Variants in SCARB2 observed in about 807,000 individuals in gnomAD.
The protein encoded by SCARB2 is scavenger receptor class B member 2.
SCARB2 carries 29 observed loss-of-function variants against 58.6 expected under a neutral mutation model. The ratio of observed to expected loss-of-function variants is 0.49; its 90% CI spans 0.37 to 0.67. The LOEUF (loss-of-function observed/expected upper bound fraction) is 0.67. SCARB2 is among the 30% of genes least tolerant of loss of function. SCARB2 has a pLI of 0.00. For synonymous variants in SCARB2, 195 were observed against 210.1 expected, an observed-to-expected ratio of 0.93 and a Z score of 0.62; for missense variants, 488 against 578.5, an observed-to-expected ratio of 0.84 and a Z score of 1.60.
intron 2 of SCARB2, among the ~76,000 whole-genome samples, chr4:76,190,167 C>T (rs978785559): frequency 6.6e-6 from 1 of 151,988 alleles, no homozygotes; most frequent in Admixed American, 6.6e-5. Flanking sequence ...TGCCACCACG[C>T]CTGGCTAATT....
Position 76,194,831 on chromosome 4 carries a change from C to A in SCARB2, c.275+876G>T, listed in dbSNP as rs28446633. The A allele has an allele frequency of 2.7e-3, 416 of 152,174 alleles. 1 individual carries two copies. Among genetic ancestry groups the A allele is most frequent in the African/African-American group, 9.5e-3 (393 of 41,520 alleles). The allele number at this position is 152,174 out of a possible 1,614,324, so 9.4% of individuals were successfully genotyped here. A position where few individuals can be genotyped will look rare whatever the true frequency, so the allele number is the denominator to read the frequency against. On this transcript the variant is annotated intron_variant, in intron 2 of 11. Coordinates refer to ENST00000264896, the MANE Select transcript of SCARB2 (RefSeq NM_005506.4). ...AAAATGCTCTGATTCAAGCGTCTCC[C>A]TCTACTAATCGTTTAAAAATGATTA...
chr4:76,188,002 C>G (rs978388754), intron 2 of SCARB2, among the ~76,000 whole-genome samples: 1 of 151,986 alleles, frequency 6.6e-6, no homozygotes, highest in Non-Finnish European at 1.5e-5. Context: ...ATGAATAATC[C>G]AAACAGCAAA....
chr4:76,176,034 G>T, intron 5 of SCARB2, 124 bp from the exon 6 acceptor site: 1 of 1,195,460 alleles, frequency 8.4e-7, no homozygotes, highest in Non-Finnish European at 1.2e-6. Flanking sequence ...TTCATACACA[G>T]ACACAACAGT....
intron 11 of SCARB2, chr4:76,162,364 A>G (rs1246248964): frequency 1.3e-5 from 2 of 153,136 alleles, no homozygotes; most frequent in Non-Finnish European, 2.9e-5. Flanking sequence ...TCTACTTCAC[A>G]TTTGCCTTGG....
chr4:76,173,856 C>A, intron 7 of SCARB2: 2 of 354,110 alleles, frequency 5.6e-6, no homozygotes, highest in Non-Finnish European at 1.1e-5. Context: ...TTTTTTTTTA[C>A]CATTCAATAG....
At chr4:76,163,480 GTCC>G (rs1731942297) in intron 10 of SCARB2, 97 bp from the exon 11 acceptor site, 2 of 1,363,944 alleles carry the variant, frequency 1.5e-6, no homozygotes, top group Non-Finnish European at 2.1e-6. Flanking sequence ...ATTTGGGAAT[GTCC>G]TCCTGTTAGC....
At chr4:76,176,296 A>G (rs891057252) in intron 5 of SCARB2, 141 bp downstream of exon 5, 2 of 637,394 alleles carry the variant, frequency 3.1e-6, no homozygotes, top group Non-Finnish European at 5.5e-6. Flanking sequence ...GATTTGTAGA[A>G]TAATAATTAC....
intron 7 of SCARB2, 110 bp downstream of exon 7, chr4:76,174,034 T>TCCC (rs1732191631): frequency 7.4e-7 from 1 of 1,344,618 alleles, no homozygotes; most frequent in South Asian, 1.2e-5. Context: ...GCATCCTTAG[T>TCCC]AGCTGGGACT....
At chr4:76,189,416 G>A (rs184027810) in intron 2 of SCARB2, among the ~76,000 whole-genome samples, 4 of 152,292 alleles carry the variant, frequency 2.6e-5, no homozygotes, top group Admixed American at 2.0e-4. Context: ...ACACAAACAC[G>A]TCCTTTTTCA....
At chr4:76,210,055 G>T (rs1247803830) in intron 1 of SCARB2, among the ~76,000 whole-genome samples, 1 of 152,172 alleles carries the variant, frequency 6.6e-6, no homozygotes, top group African/African-American at 2.4e-5. Context: ...GAGCTAAGAG[G>T]AACCATAGCT....
intron 8 of SCARB2, among the ~76,000 whole-genome samples, chr4:76,169,014 T>A (rs965512560): frequency 2.0e-5 from 3 of 152,174 alleles, no homozygotes; most frequent in Non-Finnish European, 4.4e-5. Flanking sequence ...ACTGTGTTCG[T>A]CCCTTGGTGA....
intron 2 of SCARB2, among the ~76,000 whole-genome samples, chr4:76,182,988 A>G (rs1488654889): frequency 6.6e-6 from 1 of 152,206 alleles, no homozygotes. Context: ...GAACCATCAT[A>G]AGTCAAGGAC....
At chr4:76,202,293 C>T (rs1271193676) in intron 1 of SCARB2, among the ~76,000 whole-genome samples, 1 of 152,086 alleles carries the variant, frequency 6.6e-6, no homozygotes, top group Non-Finnish European at 1.5e-5. Flanking sequence ...GAGGGAGTCT[C>T]ATTCTGTTGC....
Position 76,179,516 on chromosome 4 carries a change from C to T in SCARB2, c.612+1G>A. 1 of 1,610,292 alleles carries T rather than the reference C, an allele frequency of 6.2e-7. No individual in the cohort carries two copies. ...GGTTCTGAAAAGAAAAATCTACTTA[C>T]CTCATAGAATAGGCCAAAATAGGGA... On this transcript the variant is annotated splice_donor_variant, in intron 4 of 11. Transcript: ENST00000264896. LOFTEE classifies it high-confidence loss of function.
At chr4:76,213,397 A>T in intron 1 of SCARB2, 30 bp downstream of exon 1, 1 of 1,497,460 alleles carries the variant, frequency 6.7e-7, no homozygotes, top group Non-Finnish European at 9.3e-7. Context: ...GGACGACTCC[A>T]CAACACACAC....
chr4:76,176,432 C>T lies in SCARB2; in HGVS notation c.704+5G>A, dbSNP rs774271963. The T allele has an allele frequency of 8.8e-6, 14 of 1,592,294 alleles. No individual in the cohort carries two copies. The highest frequency in any genetic ancestry group is 1.2e-5 in the Non-Finnish European group (14 of 1,161,166). On this transcript the variant is annotated splice_donor_5th_base_variant and intron_variant, in intron 5 of 11. Transcript: ENST00000264896. The stretch of plus-strand genomic sequence containing the variant: ...ATAATTCCACTGATAAATCATTTGA[C>T]TTACGTTTTCCCATTCCATTCCACA...
At chr4:76,209,554 A>C (rs28451202) in intron 1 of SCARB2, among the ~76,000 whole-genome samples, 3,080 of 152,186 alleles carry the variant, frequency 0.02, 76 homozygotes, top group Admixed American at 0.07. Flanking sequence ...TTTTTAGTAG[A>C]GACAGGGTTT....
upstream of SCARB2, among the ~76,000 whole-genome samples, chr4:76,216,093 T>G (rs1733201799): frequency 1.3e-5 from 2 of 152,176 alleles, no homozygotes; most frequent in South Asian, 4.1e-4. Context: ...CCCAGCCTGA[T>G]GGGTGGGTGG....
At chr4:76,207,069 A>C (rs1470948630) in intron 1 of SCARB2, among the ~76,000 whole-genome samples, 4 of 152,244 alleles carry the variant, frequency 2.6e-5, no homozygotes, top group Admixed American at 2.0e-4. Flanking sequence ...AACAGTTCTC[A>C]AAGTGTGATC....
Sources: gnomAD v4.1 joint callset for allele counts (sites outside exome capture counted in the v4.1 genomes callset) on GRCh38, gnomAD v4.1.1 for gene constraint, MANE v1.5 for transcripts, NCBI Gene and HGNC (gene_info 2026-07-23, HGNC 2026-07-21) for gene names.